The following TBC1D5 variants were observed in gnomAD, a reference collection of about 807,000 sequenced individuals.
The protein encoded by TBC1D5 is TBC1 domain family member 5.
TBC1D5 carries 75 observed loss-of-function variants against 100.3 expected under a neutral mutation model. The observed-to-expected ratio is 0.75, with a 90% CI of 0.62 to 0.91. The LOEUF is 0.91. Ranked by LOEUF, TBC1D5 falls within the 40% of genes least tolerant of loss-of-function variation. The probability of loss-of-function intolerance (pLI) is 0.00; values close to 1 mark genes in which losing one functional copy is unlikely to be tolerated. For missense variants in TBC1D5, 910 were observed against 942.4 expected (o/e 0.97, Z 0.45); for synonymous variants, 323 against 325.6 (o/e 0.99, Z 0.09).
chr3:17,409,669 G>A (rs1334875909), intron 4 of TBC1D5, among the ~76,000 whole-genome samples: 2 of 151,982 alleles, frequency 1.3e-5, no homozygotes, highest in African/African-American at 2.4e-5. Context: ...CAGTCTTACC[G>A]CTGATACAGA....
At chr3:17,742,298 C>T (rs966692925), upstream of TBC1D5, among the ~76,000 whole-genome samples, 4 of 152,276 alleles carry the variant, frequency 2.6e-5, no homozygotes, top group East Asian at 7.8e-4. Context: ...ACCCTCAGGC[C>T]CTCCCGTGAG....
At chr3:17,641,863 G>C (rs1477494962) in intron 1 of TBC1D5, among the ~76,000 whole-genome samples, 1 of 152,086 alleles carries the variant, frequency 6.6e-6, no homozygotes, top group Non-Finnish European at 1.5e-5. Flanking sequence ...TAATTTTACA[G>C]GAAGCTAGTC....
Position 17,168,919 on chromosome 3 carries a change from A to T in TBC1D5, c.1853-1091T>A, listed in dbSNP as rs115716833. 4.6e-3 allele frequency among the ~76,000 whole-genome samples: 702 copies of T among 151,380 alleles called. 4 individuals carry two copies. Among genetic ancestry groups the T allele is most frequent in the African/African-American group, 0.016 (670 of 41,246 alleles). ...GTACAGCTACTAGGGCTAATATACC[A>T]CTCCTCACTTGCTCAATGCCCCGCA... is the stretch of plus-strand genomic sequence containing the variant. On this transcript the variant is annotated intron_variant, in intron 19 of 21. Coordinates refer to ENST00000253692, the Ensembl canonical transcript of TBC1D5.
intron 16 of TBC1D5, among the ~76,000 whole-genome samples, chr3:17,252,593 T>C (rs988232063): frequency 1.3e-5 from 2 of 152,174 alleles, no homozygotes; most frequent in African/African-American, 4.8e-5. Flanking sequence ...TATGTGTCTG[T>C]GGAGTAATGG....
intron 2 of TBC1D5, among the ~76,000 whole-genome samples, chr3:17,558,264 T>C (rs1401319018): frequency 1.3e-5 from 2 of 152,164 alleles, no homozygotes; most frequent in African/African-American, 2.4e-5. Flanking sequence ...AATGTGACTT[T>C]ATGTAAATAA....
chr3:17,607,469 A>G (rs1301180278), intron 2 of TBC1D5, among the ~76,000 whole-genome samples: 1 of 152,098 alleles, frequency 6.6e-6, no homozygotes, highest in East Asian at 1.9e-4. Context: ...ATCTAACTAT[A>G]AATGTTATTT....
intron 13 of TBC1D5, among the ~76,000 whole-genome samples, chr3:17,352,732 T>C (rs890110929): frequency 1.4e-5 from 2 of 146,694 alleles, no homozygotes; most frequent in African/African-American, 5.1e-5. Flanking sequence ...CAACAGGTTC[T>C]CCTTGCCCTT....
At chr3:17,293,571 A>C (rs17029242) in intron 14 of TBC1D5, among the ~76,000 whole-genome samples, 4 of 152,176 alleles carry the variant, frequency 2.6e-5, no homozygotes, top group South Asian at 2.1e-4. Context: ...AAACCAGTTC[A>C]GGTAACCTCT....
In TBC1D5 at chr3:17,710,996, C is replaced by G. The variant is rs536448237; in HGVS notation, c.-101+28347G>C. On this transcript the variant is annotated intron_variant, in intron 1 of 21. Coordinates refer to ENST00000253692, the Ensembl canonical transcript of TBC1D5. ...ACAGGCATGAGCCACCATACACGGT[C>G]TGTTTTCATTTATTTAATCCTTAAG... Among the ~76,000 whole-genome samples, 7 of 152,274 alleles carry G rather than the reference C, an allele frequency of 4.6e-5. No homozygotes were observed. In the South Asian group the frequency reaches 1.4e-3, roughly 32 times the overall value.
intron 13 of TBC1D5, among the ~76,000 whole-genome samples, chr3:17,312,120 T>G (rs2084096990): frequency 6.6e-6 from 1 of 152,022 alleles, no homozygotes; most frequent in African/African-American, 2.4e-5. Context: ...ACACCCTGAG[T>G]TTTCCTTTAT....
chr3:17,302,082 G>A (rs1333734403), intron 14 of TBC1D5, among the ~76,000 whole-genome samples: 1 of 152,162 alleles, frequency 6.6e-6, no homozygotes, highest in Non-Finnish European at 1.5e-5. Context: ...GTAGGACCAT[G>A]TTCCCTCTGA....
At chr3:17,724,301 T>A (rs1185886760) in intron 1 of TBC1D5, among the ~76,000 whole-genome samples, 1 of 152,038 alleles carries the variant, frequency 6.6e-6, no homozygotes, top group Non-Finnish European at 1.5e-5. Context: ...TACTATGCTG[T>A]CCAGGTTGGT....
chr3:17,342,495 T>C (rs2089158233), intron 13 of TBC1D5, among the ~76,000 whole-genome samples: 2 of 152,238 alleles, frequency 1.3e-5, no homozygotes, highest in South Asian at 4.1e-4. Context: ...TAGTACAGTA[T>C]GTAATAGGTA....
intron 13 of TBC1D5, among the ~76,000 whole-genome samples, chr3:17,367,012 T>C (rs2092176446): frequency 6.6e-6 from 1 of 152,168 alleles, no homozygotes; most frequent in South Asian, 2.1e-4. Context: ...GCTCATAATT[T>C]AACAGTGACG....
At chr3:17,605,501 A>G (rs1255553417) in intron 2 of TBC1D5, among the ~76,000 whole-genome samples, 1 of 152,238 alleles carries the variant, frequency 6.6e-6, no homozygotes, top group Non-Finnish European at 1.5e-5. Context: ...CAGAACTTAA[A>G]GTGCAAATTT....
intron 13 of TBC1D5, among the ~76,000 whole-genome samples, chr3:17,344,471 T>A (rs201959300): frequency 6.7e-6 from 1 of 149,696 alleles, no homozygotes; most frequent in Admixed American, 6.6e-5. Context: ...GAATCAATAT[T>A]GTGAAAATGG....
intron 3 of TBC1D5, among the ~76,000 whole-genome samples, chr3:17,458,131 A>T (rs1004088652): frequency 1.7e-4 from 26 of 152,200 alleles, no homozygotes; most frequent in Non-Finnish European, 1.5e-5. Context: ...ACTCAGCCTC[A>T]GTCTTAGGTG....
intron 14 of TBC1D5, among the ~76,000 whole-genome samples, chr3:17,301,661 A>T (rs758713388): frequency 6.6e-6 from 1 of 152,222 alleles, no homozygotes; most frequent in Non-Finnish European, 1.5e-5. Context: ...CTAATGTAGC[A>T]CTTAGTTAGT....
chr3:17,537,696 A>G (rs998854294), intron 2 of TBC1D5, among the ~76,000 whole-genome samples: 2 of 152,240 alleles, frequency 1.3e-5, no homozygotes, highest in East Asian at 1.9e-4. Context: ...TTCACTGAAC[A>G]TAATGTTATC....
Sources: gnomAD v4.1 joint callset for allele counts (sites outside exome capture counted in the v4.1 genomes callset) on GRCh38, gnomAD v4.1.1 for gene constraint, MANE v1.5 for transcripts, NCBI Gene and HGNC (gene_info 2026-07-23, HGNC 2026-07-21) for gene names.